HES6: variants seen among roughly 807,000 people sequenced by gnomAD.
HES6 encodes hes family bHLH transcription factor 6.
Under a neutral mutation model 16.4 loss-of-function variants are expected in HES6, and 24 were observed. The ratio of observed to expected loss-of-function variants is 1.46; its 90% CI spans 1.06 to 2.06. The LOEUF is 2.06. HES6 is among the 30% of genes most tolerant of loss of function. The pLI is 0.00. For synonymous variants in HES6, 159 were observed against 144.3 expected (o/e 1.10, Z -0.73); for missense variants, 355 against 317.6 (o/e 1.12, Z -0.90).
At position 238,239,035 on chromosome 2, in the gene HES6, G is replaced by A. The variant is rs1447945058; in HGVS notation, c.467C>T (p.Pro156Leu). The part of the protein sequence containing the change: ...GDALAGPPRA[P>L]GRSGWPAGGA... ...CCCCGCAGGCCAGCCACTCCGTCCA[G>A]GGGCTCTAGGTGGCCCCGCCAGGGC... The change falls in exon 4 of 4, where the codon CCT becomes CTT. Residue 156 changes from proline (P) to leucine (L), a missense_variant. Pro to Leu is a moderately conservative substitution (Grantham distance 98, BLOSUM62 -3). Transcript: ENST00000272937. 2.5e-6 allele frequency: 4 copies of A among 1,611,294 alleles called. No homozygotes were observed. Among genetic ancestry groups the A allele is most frequent in the Non-Finnish European group, 3.4e-6 (4 of 1,179,686 alleles).
chr2:238,239,834 C>A lies in HES6; in HGVS notation c.72G>T (p.Gly24=). 1 of 1,393,358 alleles carries A rather than the reference C, an allele frequency of 7.2e-7. No homozygotes were observed. Among genetic ancestry groups the A allele is most frequent in the Non-Finnish European group, 9.4e-7 (1 of 1,064,586 alleles). The allele number at this position is 1,393,358 out of a possible 1,614,324, so 86.3% of individuals were successfully genotyped here. The stretch of plus-strand genomic sequence containing the variant: ...TGGCCCCGGCCCGCACCTTGCGGTC[C>A]CCTCGCGTCTCCCAGCCGTCCTCAT... ...REDEDGWETR[G]DRKARKPLVE... Residue 24 remains glycine, a synonymous_variant, in exon 1 of 4, where the codon GGG becomes GGT. Coordinates refer to ENST00000272937, the MANE Select transcript of HES6 (RefSeq NM_018645.6).
intron 3 of HES6, 83 bp from the exon 4 acceptor site, chr2:238,239,334 G>A (rs1298372355): frequency 3.5e-6 from 5 of 1,433,152 alleles, no homozygotes; most frequent in Non-Finnish European, 4.6e-6. Context: ...GGCCCGCGGG[G>A]ACGCGGCTCA....
At position 238,240,007 on chromosome 2, in the gene HES6, A is replaced by T. The variant is rs941265941; in HGVS notation, c.-102T>A. ...CTCCGCTGCCCCGCGGCCGCCCAGC[A>T]GCAGCCCAGCCGTCCGCGCTCCTCG... On this transcript the variant is annotated 5_prime_UTR_variant, in exon 1 of 4. Transcript: ENST00000272937. 4 of 650,566 alleles carry T rather than the reference A, an allele frequency of 6.1e-6. No individual in the cohort carries two copies. The highest frequency in any genetic ancestry group is 3.8e-5 in the African/African-American group (2 of 52,272). The allele number at this position is 650,566 out of a possible 1,614,324, so 40.3% of individuals were successfully genotyped here.
rs1320296011 is a variant in HES6 at position 238,239,054 on chromosome 2, C to T, written c.448G>A (p.Ala150Thr). ...SFQDLLGDALAGPPRAPGRSG... is the reference protein window; with the variant it reads ...SFQDLLGDALTGPPRAPGRSG... ...CGTCCAGGGGCTCTAGGTGGCCCCG[C>T]CAGGGCGTCCCCCAGCAGATCCTGG... is the stretch of plus-strand genomic sequence containing the variant. Residue 150 changes from alanine (A) to threonine (T), a missense_variant, in exon 4 of 4, where the codon GCG becomes ACG. Ala to Thr is a moderately conservative substitution (Grantham distance 58, BLOSUM62 0). Coordinates refer to ENST00000272937, the MANE Select transcript of HES6 (RefSeq NM_018645.6). The T allele has an allele frequency of 1.2e-6, 2 of 1,612,024 alleles. No individual in the cohort carries two copies. Among genetic ancestry groups the T allele is most frequent in the African/African-American group, 1.3e-5 (1 of 74,930 alleles).
rs756376132 is a variant in HES6, at chr2:238,238,939, G to C, written c.563C>G (p.Ala188Gly). 1 of 1,597,726 alleles carries C rather than the reference G, an allele frequency of 6.3e-7. No individual in the cohort carries two copies. Among genetic ancestry groups the C allele is most frequent in the Admixed American group, 1.7e-5 (1 of 58,242 alleles). Residue 188 changes from alanine (A) to glycine (G), a missense_variant, in exon 4 of 4, where the codon GCC (alanine) becomes GGC (glycine). Transcript: ENST00000272937. Reference sequence around the variant, plus strand: ...AGCCTGACTCAGTTCAGCCTCAGGGGCCTCCTCCAGGTCGGAGCACAGGTC... The same window carrying C: ...AGCCTGACTCAGTTCAGCCTCAGGGCCCTCCTCCAGGTCGGAGCACAGGTC... The part of the protein sequence containing the change: ...GDDLCSDLEE[A>G]PEAELSQAPA...
rs756781454 is a variant in HES6, at chr2:238,239,861, C to A, written c.45G>T (p.Glu15Asp). 5.1e-6 allele frequency: 7 copies of A among 1,368,730 alleles called. No homozygotes were observed. The South Asian group carries it at 1.2e-4, about 24-fold the overall frequency. The allele number at this position is 1,368,730 out of a possible 1,614,324, so 84.8% of individuals were successfully genotyped here. A position where few individuals can be genotyped will look rare whatever the true frequency, so the allele number is the denominator to read the frequency against. Reference sequence around the variant, plus strand: ...CTCGCGTCTCCCAGCCGTCCTCATCCTCACGGCCCACACGGTCCCGGCCAG... The same window carrying A: ...CTCGCGTCTCCCAGCCGTCCTCATCATCACGGCCCACACGGTCCCGGCCAG... The part of the protein sequence containing the change: ...AAPGRDRVGR[E>D]DEDGWETRGD... The change falls in exon 1 of 4, where the codon GAG (glutamate) becomes GAT (aspartate). Residue 15 changes from glutamate to aspartate, a missense_variant. Transcript: ENST00000272937.
chr2:238,239,611 G>GGGGGGCCCCCCC, intron 2 of HES6, 43 bp from the exon 3 acceptor site: 4 of 1,135,678 alleles, frequency 3.5e-6, no homozygotes, highest in Non-Finnish European at 4.3e-6. Flanking sequence ...CGCGCTCCCG[G>GGGGGGCCCCCCC]ACCCGCCCGC....
chr2:238,239,253 T>C lies in HES6; in HGVS notation c.251-2A>G. On this transcript the variant is annotated splice_acceptor_variant, in intron 3 of 3. Transcript: ENST00000272937. LOFTEE classifies it high-confidence loss of function. ...CTTCCGCCTGCAGCTGCTCGCGCTC[T>C]GGGCCCGAGGGTGGGAGGGAGAGAG... 1.2e-6 allele frequency: 2 copies of C among 1,603,220 alleles called. No homozygotes were observed. The highest frequency in any genetic ancestry group is 8.5e-7 in the Non-Finnish European group (1 of 1,178,472).
intron 2 of HES6, 38 bp from the exon 3 acceptor site, chr2:238,239,606 T>TCA: frequency 5.2e-6 from 6 of 1,158,104 alleles, no homozygotes; most frequent in Non-Finnish European, 6.4e-6. Context: ...GGCAGCGCGC[T>TCA]CCCGGACCCG....
rs745679537 is a variant in HES6, at chr2:238,239,202, G to A, written c.300C>T (p.Tyr100=). The change falls in exon 4 of 4, where the codon TAC becomes TAT. Residue 100 remains tyrosine, a synonymous_variant. Coordinates refer to ENST00000272937, the MANE Select transcript of HES6 (RefSeq NM_018645.6). ...AEASERFAAG[Y]IQCMHEVHTF... Reference sequence around the variant, plus strand: ...TGTGCACCTCGTGCATGCACTGGATGTAGCCGGCAGCGAAGCGCTCGCTCG... The same window carrying A: ...TGTGCACCTCGTGCATGCACTGGATATAGCCGGCAGCGAAGCGCTCGCTCG... 1.9e-6 allele frequency: 3 copies of A among 1,611,524 alleles called. No individual in the cohort carries two copies. Among genetic ancestry groups the A allele is most frequent in the Admixed American group, 1.7e-5 (1 of 60,010 alleles).
At chr2:238,239,456 C>T (rs1695250740) in intron 3 of HES6, 31 bp downstream of exon 3, 1 of 1,273,610 alleles carries the variant, frequency 7.9e-7, no homozygotes, top group East Asian at 3.2e-5. Context: ...CGCCCGCGGC[C>T]GGCGCCCCCG....
In HES6 at chr2:238,239,037, G is replaced by A; in HGVS notation, c.465C>T (p.Ala155=). Reference sequence around the variant, plus strand: ...CCGCAGGCCAGCCACTCCGTCCAGGGGCTCTAGGTGGCCCCGCCAGGGCGT... The same window carrying A: ...CCGCAGGCCAGCCACTCCGTCCAGGAGCTCTAGGTGGCCCCGCCAGGGCGT... The part of the protein sequence containing the change: ...LGDALAGPPR[A]PGRSGWPAGG... The change falls in exon 4 of 4, where the codon GCC becomes GCT. Residue 155 remains alanine (A), a synonymous_variant. Coordinates refer to ENST00000272937, the MANE Select transcript of HES6 (RefSeq NM_018645.6). The A allele has an allele frequency of 1.2e-6, 2 of 1,611,514 alleles. No homozygotes were observed. The highest frequency in any genetic ancestry group is 1.7e-6 in the Non-Finnish European group (2 of 1,179,676).
Position 238,239,497 on chromosome 2 carries a change from G to T in HES6, c.240C>A (p.Gly80=). The T allele has an allele frequency of 7.7e-7, 1 of 1,299,254 alleles. No individual in the cohort carries two copies. Among genetic ancestry groups the T allele is most frequent in the Non-Finnish European group, 9.7e-7 (1 of 1,028,220 alleles). The allele number at this position is 1,299,254 out of a possible 1,614,324, so 80.5% of individuals were successfully genotyped here. ...TVRRVQGVLR[G]RAREREQLQA... ...CCCGCCGCCACTCACCGCGCGCCCG[G>T]CCCCGCAGCACACCCTGGACCCGCC... The change falls in exon 3 of 4, where the codon GGC becomes GGA. Residue 80 remains glycine, a synonymous_variant. Coordinates refer to ENST00000272937, the MANE Select transcript of HES6 (RefSeq NM_018645.6).
chr2:238,239,597 G>A (rs915396049), intron 2 of HES6, 29 bp from the exon 3 acceptor site: 23 of 1,189,062 alleles, frequency 1.9e-5, no homozygotes, highest in African/African-American at 6.5e-5. Context: ...CGGTGAGCCG[G>A]CAGCGCGCTC....
Position 238,238,636 on chromosome 2 carries a change from T to A in HES6, c.*191A>T, listed in dbSNP as rs1383235528. On this transcript the variant is annotated 3_prime_UTR_variant, in exon 4 of 4. Coordinates refer to ENST00000272937, the MANE Select transcript of HES6 (RefSeq NM_018645.6). ...CCAGAGCTGCAGGGTCCCTAAAAGT[T>A]TCTTAAGAAACGGGGCTGGGGCCTG... 1.6e-6 allele frequency: 1 copy of A among 610,722 alleles called. No homozygotes were observed. Among genetic ancestry groups the A allele is most frequent in the African/African-American group, 1.9e-5 (1 of 53,328 alleles). 37.8% of individuals were successfully genotyped at this position (610,722 alleles called of 1,614,324 possible).
chr2:238,239,983 T>G lies in HES6; in HGVS notation c.-78A>C. 1 of 928,250 alleles carries G rather than the reference T, an allele frequency of 1.1e-6. No homozygotes were observed. Among genetic ancestry groups the G allele is most frequent in the Non-Finnish European group, 1.4e-6 (1 of 730,376 alleles). 57.5% of individuals were successfully genotyped at this position (928,250 alleles called of 1,614,324 possible). A position where few individuals can be genotyped will look rare whatever the true frequency, so the allele number is the denominator to read the frequency against. Reference sequence around the variant, plus strand: ...GGCGGGGACCGGAGTGCCGGCGCCCTCCGCTGCCCCGCGGCCGCCCAGCAG... The same window carrying G: ...GGCGGGGACCGGAGTGCCGGCGCCCGCCGCTGCCCCGCGGCCGCCCAGCAG... On this transcript the variant is annotated 5_prime_UTR_variant, in exon 1 of 4. Transcript: ENST00000272937.
chr2:238,238,588 G>A lies in HES6; in HGVS notation c.*239C>T. ...CTCTACAAAATTCTTCCTCCTGCCC[G>A]TAGCTCCCTCCCTCCACCCACTCCA... On this transcript the variant is annotated 3_prime_UTR_variant, in exon 4 of 4. Transcript: ENST00000272937. 5.5e-6 allele frequency: 3 copies of A among 542,692 alleles called. No individual in the cohort carries two copies. Among genetic ancestry groups the A allele is most frequent in the Non-Finnish European group, 9.6e-6 (3 of 310,890 alleles). 33.6% of individuals were successfully genotyped at this position (542,692 alleles called of 1,614,324 possible).
In HES6 at chr2:238,239,968, G is replaced by A. The variant is rs1237815634; in HGVS notation, c.-63C>T. The A allele has an allele frequency of 9.4e-6, 10 of 1,066,892 alleles. No homozygotes were observed. The highest frequency in any genetic ancestry group is 1.1e-5 in the Non-Finnish European group (9 of 853,506). The allele number at this position is 1,066,892 out of a possible 1,614,324, so 66.1% of individuals were successfully genotyped here. ...GCGGGGACGGGGAGCGGCGGGGACC[G>A]GAGTGCCGGCGCCCTCCGCTGCCCC... On this transcript the variant is annotated 5_prime_UTR_variant, in exon 1 of 4. Coordinates refer to ENST00000272937, the MANE Select transcript of HES6 (RefSeq NM_018645.6).
rs1559315009 is a variant in HES6 at position 238,238,787 on chromosome 2, AGGGCCGG to A, written c.*33_*39del. ...CTGGGAGGAGGGAGGAGATCCAGGG[AGGGCCGG>A]GCCCACCCCCGCAGGACTCTGGCTG... On this transcript the variant is annotated 3_prime_UTR_variant, in exon 4 of 4. Coordinates refer to ENST00000272937, the MANE Select transcript of HES6 (RefSeq NM_018645.6). 2 of 1,520,706 alleles carry A rather than the reference AGGGCCGG, an allele frequency of 1.3e-6. No individual in the cohort carries two copies. The highest frequency in any genetic ancestry group is 2.4e-5 in the South Asian group (2 of 83,644). The allele number at this position is 1,520,706 out of a possible 1,614,324, so 94.2% of individuals were successfully genotyped here.
Sources: gnomAD v4.1 joint callset for allele counts on GRCh38, gnomAD v4.1.1 for gene constraint, MANE v1.5 for transcripts, NCBI Gene and HGNC (gene_info 2026-07-23, HGNC 2026-07-21) for gene names.